The following CABCOCO1 variants were observed in gnomAD, a reference collection of about 807,000 sequenced individuals.
CABCOCO1 encodes ciliary associated calcium binding coiled-coil 1.
Under a neutral mutation model 35.7 loss-of-function variants are expected in CABCOCO1, and 28 were observed. The ratio of observed to expected loss-of-function variants is 0.78; its 90% CI spans 0.58 to 1.07. The LOEUF is 1.07. Among genes scored for constraint, CABCOCO1 ranks in the 50% least tolerant of loss-of-function variants. CABCOCO1 has a pLI of 0.00. For missense variants in CABCOCO1, 326 were observed against 309.2 expected, an observed-to-expected ratio of 1.05 and a Z score of -0.41; for synonymous variants, 95 against 100.1, an observed-to-expected ratio of 0.95 and a Z score of 0.30.
chr10:61,672,240 G>C (rs1000855707), intron 1 of CABCOCO1, among the ~76,000 whole-genome samples: 7 of 152,150 alleles, frequency 4.6e-5, no homozygotes, highest in African/African-American at 1.7e-4. Context: ...TGGCTTACTT[G>C]TGTTCTTTTC....
At chr10:61,761,074 A>G (rs1165363132) in intron 7 of CABCOCO1, 71 bp downstream of exon 7, 6 of 1,504,068 alleles carry the variant, frequency 4.0e-6, no homozygotes, top group Admixed American at 1.8e-5. Flanking sequence ...TTTAATGTCT[A>G]TAAACACTCC....
chr10:61,668,704 T>G (rs1208783625), intron 1 of CABCOCO1, among the ~76,000 whole-genome samples: 2 of 152,046 alleles, frequency 1.3e-5, no homozygotes, highest in Non-Finnish European at 2.9e-5. Context: ...TTTTACTTAT[T>G]TTTCTTTCAC....
At chr10:61,683,079 C>G (rs113263527) in intron 3 of CABCOCO1, among the ~76,000 whole-genome samples, 2 of 151,738 alleles carry the variant, frequency 1.3e-5, no homozygotes, top group African/African-American at 2.4e-5. Flanking sequence ...TTAGTACAGA[C>G]GGGGTTTCGC....
intron 2 of CABCOCO1, among the ~76,000 whole-genome samples, chr10:61,677,811 G>GTTTTTTTTTTTTTTTTTTTTTTTTTC (rs35492889): frequency 1.7e-5 from 1 of 60,308 alleles, no homozygotes; most frequent in Non-Finnish European, 2.9e-5. Context: ...TTTTTTGGGT[G>GTTTTTTTTTTTTTTTTTTTTTTTTTC]TTTTTTTTTT....
At chr10:61,668,088 T>C (rs1839245573) in intron 1 of CABCOCO1, among the ~76,000 whole-genome samples, 1 of 151,874 alleles carries the variant, frequency 6.6e-6, no homozygotes, top group Non-Finnish European at 1.5e-5. Flanking sequence ...AGTGCCTGTT[T>C]ATTATATATT....
chr10:61,713,563 G>T (rs79165500), intron 5 of CABCOCO1, among the ~76,000 whole-genome samples: 2,265 of 152,318 alleles, frequency 0.015, 29 homozygotes, highest in South Asian at 0.048. Flanking sequence ...TAGGAATGGT[G>T]AGAGAGGGCA....
At chr10:61,749,134 T>TC (rs1032430320) in intron 5 of CABCOCO1, among the ~76,000 whole-genome samples, 1 of 152,216 alleles carries the variant, frequency 6.6e-6, no homozygotes, top group African/African-American at 2.4e-5. Context: ...ATTTATTTTT[T>TC]CCCCATTTGT....
chr10:61,678,796 G>C (rs1775505723), intron 2 of CABCOCO1, among the ~76,000 whole-genome samples: 1 of 151,992 alleles, frequency 6.6e-6, no homozygotes, highest in African/African-American at 2.4e-5. Flanking sequence ...GCCCATCATA[G>C]AACAATAATT....
At chr10:61,764,687 C>A (rs894811446) in intron 7 of CABCOCO1, among the ~76,000 whole-genome samples, 6 of 152,004 alleles carry the variant, frequency 3.9e-5, no homozygotes, top group Non-Finnish European at 7.4e-5. Flanking sequence ...ACCGCTCCAT[C>A]CCTCCTTGCC....
At chr10:61,690,519 A>G in intron 4 of CABCOCO1, 30 bp from the exon 5 acceptor site, 1 of 1,465,676 alleles carries the variant, frequency 6.8e-7, no homozygotes, top group East Asian at 2.3e-5. Context: ...AAATCAACTT[A>G]TCAGAGTGCA....
chr10:61,733,315 TTA>T (rs1408660882), intron 5 of CABCOCO1, among the ~76,000 whole-genome samples: 1 of 151,942 alleles, frequency 6.6e-6, no homozygotes, highest in Non-Finnish European at 1.5e-5. Flanking sequence ...AGATAAGATT[TTA>T]TGTTAAATAC....
intron 5 of CABCOCO1, among the ~76,000 whole-genome samples, chr10:61,735,848 C>T (rs1589147503): frequency 2.6e-5 from 4 of 152,188 alleles, no homozygotes; most frequent in Non-Finnish European, 5.9e-5. Flanking sequence ...TTCAGAACCC[C>T]GACCATGTAG....
intron 2 of CABCOCO1, among the ~76,000 whole-genome samples, chr10:61,679,398 C>T (rs1396311006): frequency 6.6e-6 from 1 of 152,068 alleles, no homozygotes; most frequent in Non-Finnish European, 1.5e-5. Context: ...ATTCCAGGAA[C>T]CCTTGTCTGC....
chr10:61,671,298 C>T (rs1208688330), intron 1 of CABCOCO1, among the ~76,000 whole-genome samples: 1 of 151,488 alleles, frequency 6.6e-6, no homozygotes, highest in Admixed American at 6.6e-5. Context: ...GCACTTCAGC[C>T]TGGGTGACAG....
At chr10:61,722,060 A>G (rs1841036460) in intron 5 of CABCOCO1, among the ~76,000 whole-genome samples, 1 of 152,150 alleles carries the variant, frequency 6.6e-6, no homozygotes, top group African/African-American at 2.4e-5. Context: ...TTTGTTGTCA[A>G]TTGGATGAGT....
At chr10:61,724,868 G>A (rs187969724) in intron 5 of CABCOCO1, among the ~76,000 whole-genome samples, 1 of 152,130 alleles carries the variant, frequency 6.6e-6, no homozygotes, top group African/African-American at 2.4e-5. Flanking sequence ...TGTAAATGAC[G>A]AGTTAACAGG....
At chr10:61,741,078 AG>A (rs1396561960) in intron 5 of CABCOCO1, among the ~76,000 whole-genome samples, 1 of 152,180 alleles carries the variant, frequency 6.6e-6, no homozygotes, top group Non-Finnish European at 1.5e-5. Context: ...CAGGAGGCAG[AG>A]GTTGCAGTGA....
At chr10:61,707,783 C>A (rs956827731) in intron 5 of CABCOCO1, among the ~76,000 whole-genome samples, 2 of 151,968 alleles carry the variant, frequency 1.3e-5, no homozygotes, top group Non-Finnish European at 1.5e-5. Context: ...TGCTCACTAA[C>A]CTTGAATGAA....
intron 5 of CABCOCO1, among the ~76,000 whole-genome samples, chr10:61,703,550 A>T (rs1438761101): frequency 5.3e-5 from 8 of 152,148 alleles, no homozygotes; most frequent in Admixed American, 1.3e-4. Flanking sequence ...GGAGCAACTC[A>T]TGTTTCTTCT....
Sources: gnomAD v4.1 joint callset for allele counts (sites outside exome capture counted in the v4.1 genomes callset) on GRCh38, gnomAD v4.1.1 for gene constraint, MANE v1.5 for transcripts, NCBI Gene and HGNC (gene_info 2026-07-23, HGNC 2026-07-21) for gene names.